The following DNAH11 variants were observed in gnomAD, a reference collection of about 807,000 sequenced individuals.
The protein encoded by DNAH11 is dynein axonemal heavy chain 11, also known as axonemal beta dynein heavy chain 11.
A neutral mutation model predicts 526.0 loss-of-function variants in DNAH11; 442 were observed. The ratio of observed to expected loss-of-function variants is 0.84; its 90% confidence interval spans 0.78 to 0.91. The LOEUF (loss-of-function observed/expected upper bound fraction) is 0.91, where lower values mean the gene tolerates loss of function less well. Ranked by LOEUF, DNAH11 falls within the 40% of genes least tolerant of loss-of-function variation. The pLI is 0.00. For missense variants in DNAH11, 6,989 were observed against 5,448.7 expected (o/e 1.28, Z -8.90); for synonymous variants, 2,461 against 1,935.9 (o/e 1.27, Z -7.12).
chr7:21,780,476 A>G (rs563456856), intron 57 of DNAH11, among the ~76,000 whole-genome samples: 1 of 152,286 alleles, frequency 6.6e-6, no homozygotes, highest in East Asian at 1.9e-4. Flanking sequence ...TACCCAGGGA[A>G]TATTTTTCAG....
intron 75 of DNAH11, among the ~76,000 whole-genome samples, chr7:21,881,307 T>G (rs1188324458): frequency 6.6e-6 from 1 of 152,228 alleles, no homozygotes; most frequent in Non-Finnish European, 1.5e-5. Flanking sequence ...TGGAAGCAAT[T>G]TACAGCGCGT....
chr7:21,723,394 A>T (rs545212159), intron 44 of DNAH11, among the ~76,000 whole-genome samples: 4 of 152,232 alleles, frequency 2.6e-5, no homozygotes, highest in East Asian at 1.9e-4. Flanking sequence ...CTCAGGACCT[A>T]TGTTCTTCAG....
At chr7:21,594,351 G>C (rs1461379185) in intron 14 of DNAH11, among the ~76,000 whole-genome samples, 1 of 152,156 alleles carries the variant, frequency 6.6e-6, no homozygotes, top group Admixed American at 6.5e-5. Context: ...TTTATTGTGA[G>C]CATTGTGTGT....
intron 25 of DNAH11, 74 bp from the exon 26 acceptor site, chr7:21,635,797 T>TA (rs1786834603): frequency 1.6e-6 from 2 of 1,226,166 alleles, no homozygotes; most frequent in African/African-American, 3.0e-5. Context: ...ACAGAGTAGA[T>TA]ATAGTGCCTC....
Position 21,774,038 on chromosome 7 carries a change from C to T in DNAH11, c.9336+39C>T. On this transcript the variant is annotated intron_variant, in intron 56 of 81. Transcript: ENST00000409508. ...GTGTTATTACTGAGTAATATTTATG[C>T]TGTTTAACAGAAAAATATATTTCCT... 2.1e-6 allele frequency: 3 copies of T among 1,444,346 alleles called. No individual in the cohort carries two copies. In the African/African-American group the frequency reaches 4.3e-5, roughly 21 times the overall value. 89.5% of individuals were successfully genotyped at this position (1,444,346 alleles called of 1,614,324 possible).
At chr7:21,672,691 C>G (rs2128469720) in intron 30 of DNAH11, among the ~76,000 whole-genome samples, 1 of 152,338 alleles carries the variant, frequency 6.6e-6, no homozygotes, top group South Asian at 2.1e-4. Context: ...GCTGGTAAAA[C>G]TGCAATGCTT....
At chr7:21,697,309 A>C (rs745811840) in intron 35 of DNAH11, among the ~76,000 whole-genome samples, 25 of 152,048 alleles carry the variant, frequency 1.6e-4, no homozygotes, top group Non-Finnish European at 2.8e-4. Context: ...GGGGATTTGA[A>C]GCTATGTTTT....
chr7:21,854,636 A>G (rs576817429), intron 68 of DNAH11, among the ~76,000 whole-genome samples, 181 bp downstream of exon 68: 30 of 152,200 alleles, frequency 2.0e-4, no homozygotes, highest in African/African-American at 7.0e-4. Flanking sequence ...TCTGCCTCCC[A>G]TATTCAAGCA....
chr7:21,578,900 T>G (rs980618360), intron 8 of DNAH11, among the ~76,000 whole-genome samples: 4 of 152,206 alleles, frequency 2.6e-5, no homozygotes, highest in African/African-American at 9.6e-5. Flanking sequence ...CTCTTGCCTG[T>G]CTCTCCAACT....
intron 61 of DNAH11, among the ~76,000 whole-genome samples, chr7:21,794,971 C>T (rs1447530080): frequency 6.6e-6 from 1 of 152,116 alleles, no homozygotes; most frequent in African/African-American, 2.4e-5. Flanking sequence ...TCTTCTGCTG[C>T]TCAGAGTTTT....
rs10659842 is a variant in DNAH11, at chr7:21,900,740, A to ATTCTC, written c.13304-264_13304-260dup. ...GGGCAAACTAGTTCAGTGTATGTGAATTCTCTTAGAATCCCATTTCATAAA... is the reference window on the plus strand; with the variant it reads ...GGGCAAACTAGTTCAGTGTATGTGAATTCTCTTCTCTTAGAATCCCATTTCATAAA... On this transcript the variant is annotated intron_variant, in intron 81 of 81. Transcript: ENST00000409508. Among the ~76,000 whole-genome samples the ATTCTC allele has an allele frequency of 0.28, 42,352 of 151,838 alleles. 6,921 individuals carry two copies. Among genetic ancestry groups the ATTCTC allele is most frequent in the Non-Finnish European group, 0.36 (24,702 of 67,840 alleles).
rs376652582 is a variant in DNAH11 at position 21,601,371 on chromosome 7, A to G, written c.3426-25A>G. 32 of 1,583,490 alleles carry G rather than the reference A, an allele frequency of 2.0e-5. No individual in the cohort carries two copies. The African/African-American group carries it at 2.4e-4, about 12-fold the overall frequency. Reference sequence around the variant, plus strand: ...GTTTTAATAAACTTAATTTGTGTGTATCTATGTACATATATATTTAATAGT... The same window carrying G: ...GTTTTAATAAACTTAATTTGTGTGTGTCTATGTACATATATATTTAATAGT... On this transcript the variant is annotated intron_variant, in intron 17 of 81. Coordinates refer to ENST00000409508, the MANE Select transcript of DNAH11 (RefSeq NM_001277115.2).
At chr7:21,684,983 A>G (rs1783309984) in intron 32 of DNAH11, among the ~76,000 whole-genome samples, 1 of 152,248 alleles carries the variant, frequency 6.6e-6, no homozygotes, top group Admixed American at 6.5e-5. Context: ...ATATAAGTCT[A>G]TAAAGCTGGT....
intron 61 of DNAH11, among the ~76,000 whole-genome samples, chr7:21,796,509 A>G (rs1157608588): frequency 6.6e-6 from 1 of 152,218 alleles, no homozygotes; most frequent in Non-Finnish European, 1.5e-5. Context: ...ACAGTTTATA[A>G]ACTGGGTACA....
chr7:21,758,645 A>G (rs955299520), intron 54 of DNAH11, among the ~76,000 whole-genome samples: 2 of 152,250 alleles, frequency 1.3e-5, no homozygotes, highest in African/African-American at 4.8e-5. Context: ...GATATCACGA[A>G]AAAGTAATGA....
At chr7:21,805,365 G>A (rs1006436399) in intron 62 of DNAH11, among the ~76,000 whole-genome samples, 3 of 151,946 alleles carry the variant, frequency 2.0e-5, no homozygotes, top group African/African-American at 4.8e-5. Flanking sequence ...TGGACTGCTT[G>A]ATCCCAAGCA....
chr7:21,636,578 A>G (rs991161740), intron 26 of DNAH11, among the ~76,000 whole-genome samples: 5 of 152,018 alleles, frequency 3.3e-5, no homozygotes, highest in Admixed American at 1.3e-4. Flanking sequence ...CTACTAAAAA[A>G]TTTTTAATAA....
intron 62 of DNAH11, among the ~76,000 whole-genome samples, chr7:21,805,092 C>G (rs897384065): frequency 1.3e-5 from 2 of 152,124 alleles, no homozygotes; most frequent in Admixed American, 6.5e-5. Context: ...GCTGAAAGTT[C>G]TCATTATCAG....
chr7:21,667,917 T>A (rs762619601), intron 30 of DNAH11, among the ~76,000 whole-genome samples: 2 of 152,160 alleles, frequency 1.3e-5, no homozygotes, highest in Admixed American at 6.6e-5. Context: ...GAAATTGTAA[T>A]CATGGTAGTC....
Sources: allele counts gnomAD v4.1 joint callset (sites outside exome capture counted in the v4.1 genomes callset), GRCh38; gene constraint gnomAD v4.1.1; transcripts MANE v1.5; gene names NCBI Gene and HGNC (gene_info 2026-07-23, HGNC 2026-07-21).